The following TVP23C variants were observed in gnomAD, a reference collection of about 807,000 sequenced individuals.
TVP23C encodes Golgi apparatus membrane protein TVP23 homolog C.
In TVP23C, 19 loss-of-function variants were observed where a neutral mutation model predicts 28.7. The observed-to-expected ratio is 0.66, with a 90% confidence interval of 0.46 to 0.97. The LOEUF is 0.97. Ranked by LOEUF, TVP23C falls within the 50% of genes least tolerant of loss-of-function variation. TVP23C has a pLI of 0.00. For missense variants in TVP23C, 186 were observed against 241.3 expected (o/e 0.77, Z 1.52); for synonymous variants, 68 against 81.7 (o/e 0.83, Z 0.90).
chr17:15,511,268 G>C (rs1405428471), intron 5 of TVP23C, among the ~76,000 whole-genome samples: 1 of 152,134 alleles, frequency 6.6e-6, no homozygotes, highest in Non-Finnish European at 1.5e-5. Flanking sequence ...ACAAATGTGA[G>C]AGGTTATTAT....
rs1370365658 is a variant in TVP23C at position 15,538,432 on chromosome 17, T to C, written c.*1980A>G. 4 of 728,448 alleles carry C rather than the reference T, an allele frequency of 5.5e-6. No homozygotes were observed. The highest frequency in any genetic ancestry group is 6.7e-6 in the Non-Finnish European group (4 of 595,996). 45.1% of individuals were successfully genotyped at this position (728,448 alleles called of 1,614,324 possible). ...AGTGAAACCCCGTCTCTACTAAAAA[T>C]ACAAAAAATTAGCCAGGCGTGGTGG... On this transcript the variant is annotated 3_prime_UTR_variant, in exon 6 of 6. Transcript: ENST00000518321.
chr17:15,502,432 G>A (rs1981484878), exon 6 of TVP23C: 1 of 164,978 alleles, frequency 6.1e-6, no homozygotes, highest in African/African-American at 2.4e-5. Context: ...CGCAGAGAAG[G>A]TGGAGGTCTC....
At chr17:15,521,581 T>C (rs1266932282) in intron 5 of TVP23C, among the ~76,000 whole-genome samples, 1 of 151,992 alleles carries the variant, frequency 6.6e-6, no homozygotes, top group Non-Finnish European at 1.5e-5. Flanking sequence ...AATAGAGAAA[T>C]GTAACTGAAA....
chr17:15,528,940 G>A (rs1049098978), intron 5 of TVP23C, among the ~76,000 whole-genome samples: 14 of 152,102 alleles, frequency 9.2e-5, no homozygotes, highest in African/African-American at 3.4e-4. Flanking sequence ...CTTTTTCCTA[G>A]TTAATCATCT....
At chr17:15,551,420 A>G (rs1475426153) in intron 3 of TVP23C, among the ~76,000 whole-genome samples, 1 of 152,076 alleles carries the variant, frequency 6.6e-6, no homozygotes, top group Admixed American at 6.5e-5. Context: ...TTGCCATTAA[A>G]TTTTTAAAGC....
At chr17:15,518,763 A>G (rs1982341678) in intron 5 of TVP23C, among the ~76,000 whole-genome samples, 2 of 152,204 alleles carry the variant, frequency 1.3e-5, no homozygotes, top group Non-Finnish European at 2.9e-5. Context: ...CCCAGAATAC[A>G]AGAGGGAGAG....
chr17:15,542,328 G>A (rs1983445946), intron 5 of TVP23C, among the ~76,000 whole-genome samples: 1 of 152,184 alleles, frequency 6.6e-6, no homozygotes, highest in South Asian at 2.1e-4. Flanking sequence ...GAAGAAGGCA[G>A]GAGACGAAGC....
intron 5 of TVP23C, among the ~76,000 whole-genome samples, chr17:15,524,065 T>G (rs371248484): frequency 6.4e-3 from 241 of 37,556 alleles, no homozygotes; most frequent in East Asian, 0.011. Context: ...CAGAGTGGGG[T>G]GTGTGTGTGT....
intron 5 of TVP23C, among the ~76,000 whole-genome samples, chr17:15,511,132 TG>T (rs1233150320): frequency 1.3e-5 from 2 of 151,222 alleles, no homozygotes; most frequent in African/African-American, 2.4e-5. Flanking sequence ...AGCCCCTTCC[TG>T]CATTTCATAG....
intron 5 of TVP23C, among the ~76,000 whole-genome samples, chr17:15,528,546 G>A (rs945058153): frequency 2.0e-5 from 3 of 152,188 alleles, no homozygotes; most frequent in Non-Finnish European, 4.4e-5. Context: ...AATGTTCCAT[G>A]TTCATTTGAG....
chr17:15,547,452 T>C (rs1001793924), intron 3 of TVP23C, among the ~76,000 whole-genome samples: 2 of 152,074 alleles, frequency 1.3e-5, no homozygotes, highest in African/African-American at 4.8e-5. Flanking sequence ...CTAAACCCCT[T>C]GCTATTTGGT....
chr17:15,535,626 G>C (rs1983122385), downstream of TVP23C, among the ~76,000 whole-genome samples: 1 of 152,220 alleles, frequency 6.6e-6, no homozygotes, highest in Non-Finnish European at 1.5e-5. Flanking sequence ...CGTAGCAACA[G>C]CATCTGAACA....
intron 1 of TVP23C, among the ~76,000 whole-genome samples, chr17:15,558,829 A>C (rs1374060305): frequency 1.4e-5 from 2 of 147,762 alleles, no homozygotes; most frequent in Non-Finnish European, 3.0e-5. Flanking sequence ...TAGCAACAGG[A>C]AATTTATACA....
At chr17:15,534,755 G>A (rs1983088506), downstream of TVP23C, among the ~76,000 whole-genome samples, 1 of 151,412 alleles carries the variant, frequency 6.6e-6, no homozygotes, top group South Asian at 2.1e-4. Flanking sequence ...GATCACCTGA[G>A]GTCGGGAGTT....
In TVP23C at chr17:15,507,771, G is replaced by A. The variant is rs577740692; in HGVS notation, c.463-4539C>T. Among the ~76,000 whole-genome samples the A allele has an allele frequency of 5.3e-5, 8 of 152,202 alleles. No individual in the cohort carries two copies. The South Asian group carries it at 1.0e-3, about 20-fold the overall frequency. On this transcript the variant is annotated intron_variant, in intron 5 of 5. Transcript: ENST00000225576. ...GGAGAATGGCGTGAACCCAGGAGGC[G>A]GAGCTTGCAGTGAGCCGAGATGGCG... is the stretch of plus-strand genomic sequence containing the variant.
rs200444190 is a variant in TVP23C at position 15,503,057 on chromosome 17, A to G, written c.638T>C (p.Leu213Pro). 5.8e-5 allele frequency: 93 copies of G among 1,613,964 alleles called. 1 individual carries two copies. Among genetic ancestry groups the G allele is most frequent in the Non-Finnish European group, 7.5e-5 (89 of 1,180,036 alleles). ...AAGGCGGGGCGCAGGTTTCCAGTAAAGAGCTCGATCCGTGATCCTCGTGAA... is the reference window on the plus strand; with the variant it reads ...AAGGCGGGGCGCAGGTTTCCAGTAAGGAGCTCGATCCGTGATCCTCGTGAA... Residue 213 changes from leucine to proline, a missense_variant, in exon 6 of 6, where the codon CTT becomes CCT. Coordinates refer to the TVP23C transcript ENST00000225576.
chr17:15,542,732 T>G (rs576333823), intron 5 of TVP23C, among the ~76,000 whole-genome samples: 127 of 152,272 alleles, frequency 8.3e-4, no homozygotes, highest in Non-Finnish European at 1.5e-3. Context: ...GCCTTGGCCC[T>G]CCCAAAGTGC....
chr17:15,533,364 C>T (rs1030077589), downstream of TVP23C, among the ~76,000 whole-genome samples: 2 of 152,188 alleles, frequency 1.3e-5, no homozygotes, highest in African/African-American at 4.8e-5. Flanking sequence ...ATGCAGACTA[C>T]TGCAGTAGTT....
chr17:15,534,802 C>A (rs1983090606), downstream of TVP23C, among the ~76,000 whole-genome samples: 1 of 151,604 alleles, frequency 6.6e-6, no homozygotes, highest in African/African-American at 2.4e-5. Flanking sequence ...AACCCTGTAT[C>A]TACTAAAAAT....
Sources: gnomAD v4.1 joint callset for allele counts (sites outside exome capture counted in the v4.1 genomes callset) on GRCh38, gnomAD v4.1.1 for gene constraint, MANE v1.5 for transcripts, NCBI Gene and HGNC (gene_info 2026-07-23, HGNC 2026-07-21) for gene names.